C8orf89: variants seen among roughly 807,000 people sequenced by gnomAD.
The protein encoded by C8orf89 is chromosome 8 open reading frame 89, also known as putative uncharacterized protein C8orf89.
C8orf89 carries 14 observed loss-of-function variants against 15.8 expected under a neutral mutation model. That is an observed-to-expected ratio of 0.89 (90% CI 0.59 to 1.39). C8orf89 has a LOEUF of 1.39. Among genes scored for constraint, C8orf89 ranks in the 40% most tolerant of loss-of-function variants. The pLI, the probability that C8orf89 is intolerant of heterozygous loss-of-function variation, is 0.00. For synonymous variants in C8orf89, 55 were observed against 62.2 expected, an observed-to-expected ratio of 0.88 and a Z score of 0.54; for missense variants, 181 against 184.5, an observed-to-expected ratio of 0.98 and a Z score of 0.11.
intron 2 of C8orf89, 127 bp downstream of exon 2, chr8:73,256,846 T>A: frequency 1.8e-6 from 1 of 547,244 alleles, no homozygotes. Flanking sequence ...AATTAAATCC[T>A]TTATGTAAAA....
chr8:73,243,207 C>T (rs1434031895), intron 3 of C8orf89, among the ~76,000 whole-genome samples: 1 of 151,800 alleles, frequency 6.6e-6, no homozygotes, highest in Non-Finnish European at 1.5e-5. Flanking sequence ...TTTATAGGTA[C>T]AAAAAATACA....
the C8orf89 span, among the ~76,000 whole-genome samples, chr8:73,265,938 C>T: frequency 2.0e-5 from 3 of 152,136 alleles, no homozygotes; most frequent in Admixed American, 6.5e-5. Context: ...AAGAGCTGTT[C>T]GTTTTATCTC....
the C8orf89 span, among the ~76,000 whole-genome samples, chr8:73,271,053 G>A: frequency 3.3e-5 from 5 of 152,118 alleles, no homozygotes; most frequent in South Asian, 1.0e-3. Context: ...CCACCTCAAA[G>A]CCCTTTGCCA....
At chr8:73,267,155 C>G in the C8orf89 span, among the ~76,000 whole-genome samples, 1 of 152,196 alleles carries the variant, frequency 6.6e-6, no homozygotes, top group East Asian at 1.9e-4. Flanking sequence ...GTGCCTGAAA[C>G]TGTGGATAGT....
At chr8:73,268,546 T>C in the C8orf89 span, among the ~76,000 whole-genome samples, 8 of 152,250 alleles carry the variant, frequency 5.3e-5, no homozygotes, top group South Asian at 1.7e-3. Flanking sequence ...CATGAATTGC[T>C]TTTTAAAAGA....
At chr8:73,277,595 T>C in the C8orf89 span, 2 of 762,718 alleles carry the variant, frequency 2.6e-6, no homozygotes, top group Non-Finnish European at 4.9e-6. Context: ...ATAAATCCCA[T>C]AAACATCATC....
At chr8:73,276,607 G>C in the C8orf89 span, among the ~76,000 whole-genome samples, 4 of 152,184 alleles carry the variant, frequency 2.6e-5, no homozygotes, top group East Asian at 7.7e-4. Flanking sequence ...AACTATCCCA[G>C]AGCATGACCA....
the C8orf89 span, among the ~76,000 whole-genome samples, chr8:73,280,626 G>T: frequency 4.6e-5 from 7 of 151,806 alleles, no homozygotes; most frequent in African/African-American, 1.7e-4. Context: ...CACCCACCTC[G>T]TCCTCCTAAA....
intron 2 of C8orf89, 95 bp from the exon 3 acceptor site, chr8:73,250,418 A>G (rs1464913868): frequency 1.4e-6 from 1 of 712,170 alleles, no homozygotes; most frequent in Non-Finnish European, 2.3e-6. Context: ...CATTAAATAA[A>G]TGTTAAGGAA....
At chr8:73,281,514 A>G in the C8orf89 span, among the ~76,000 whole-genome samples, 1 of 152,234 alleles carries the variant, frequency 6.6e-6, no homozygotes, top group Non-Finnish European at 1.5e-5. Context: ...GATAAAGCAC[A>G]TGGTCTATGG....
chr8:73,268,129 A>C, the C8orf89 span, among the ~76,000 whole-genome samples: 8 of 152,360 alleles, frequency 5.3e-5, no homozygotes, highest in South Asian at 1.7e-3. Context: ...AATTACAATT[A>C]ATCAGTCAAT....
chr8:73,243,166 T>C (rs1586159809), intron 3 of C8orf89, among the ~76,000 whole-genome samples: 1 of 152,068 alleles, frequency 6.6e-6, no homozygotes, highest in Non-Finnish European at 1.5e-5. Context: ...GGAAGGATAG[T>C]GGAGGAGAGA....
At chr8:73,284,397 GGAGACGGGGTTTC>G in the C8orf89 span, among the ~76,000 whole-genome samples, 1 of 151,618 alleles carries the variant, frequency 6.6e-6, no homozygotes, top group African/African-American at 2.4e-5. Flanking sequence ...TATTTTTAGT[GGAGACGGGGTTTC>G]ACCATGTTGG....
chr8:73,248,532 G>A (rs73322962), intron 3 of C8orf89, among the ~76,000 whole-genome samples: 20 of 152,244 alleles, frequency 1.3e-4, no homozygotes, highest in African/African-American at 4.6e-4. Flanking sequence ...GCTTTGGGTA[G>A]TATAGTTATT....
chr8:73,243,180 G>A (rs754527976), intron 3 of C8orf89, among the ~76,000 whole-genome samples: 2 of 152,108 alleles, frequency 1.3e-5, no homozygotes, highest in African/African-American at 2.4e-5. Context: ...GGAGAGATGC[G>A]GGGGAAGTGG....
intron 2 of C8orf89, among the ~76,000 whole-genome samples, chr8:73,254,907 C>A (rs982464403): frequency 1.9e-4 from 29 of 152,278 alleles, no homozygotes; most frequent in Middle Eastern, 3.4e-3. Context: ...GGAAAACTGG[C>A]TAGCCATATG....
the C8orf89 span, among the ~76,000 whole-genome samples, chr8:73,266,597 C>T: frequency 6.6e-6 from 1 of 152,106 alleles, no homozygotes; most frequent in Admixed American, 6.6e-5. Flanking sequence ...TTATATGGTG[C>T]TGATGGCAAC....
At chr8:73,250,221 A>T (rs1221620876) in intron 3 of C8orf89, 47 bp downstream of exon 3, 2 of 1,225,136 alleles carry the variant, frequency 1.6e-6, no homozygotes, top group Non-Finnish European at 2.3e-6. Flanking sequence ...AAGATAAGGT[A>T]TATGACACCC....
chr8:73,243,522 T>G (rs1163755340), intron 3 of C8orf89, among the ~76,000 whole-genome samples: 3 of 152,188 alleles, frequency 2.0e-5, no homozygotes, highest in South Asian at 4.1e-4. Flanking sequence ...GTTTACTTTC[T>G]TTTTCTTTTC....
Sources: gnomAD v4.1 joint callset for allele counts (sites outside exome capture counted in the v4.1 genomes callset) on GRCh38, gnomAD v4.1.1 for gene constraint, MANE v1.5 for transcripts, NCBI Gene and HGNC (gene_info 2026-07-23, HGNC 2026-07-21) for gene names.